The following BTBD9 variants were observed in gnomAD, a reference collection of about 807,000 sequenced individuals.
BTBD9 encodes BTB/POZ domain-containing protein 9.
Under a neutral mutation model 64.3 loss-of-function variants are expected in BTBD9, and 49 were observed. That is an observed-to-expected ratio of 0.76 (90% CI 0.61 to 0.97). The LOEUF is 0.97. Ranked by LOEUF, BTBD9 falls within the 50% of genes least tolerant of loss-of-function variation. The pLI is 0.00. For synonymous variants in BTBD9, 260 were observed against 274.7 expected (o/e 0.95, Z 0.53); for missense variants, 598 against 762.1 (o/e 0.78, Z 2.53).
intron 7 of BTBD9, among the ~76,000 whole-genome samples, chr6:38,300,559 T>A (rs1461802969): frequency 4.0e-5 from 6 of 149,992 alleles, no homozygotes; most frequent in Non-Finnish European, 8.8e-5. Flanking sequence ...TAGTTCTCCT[T>A]GAAGAGGTCC....
intron 6 of BTBD9, among the ~76,000 whole-genome samples, chr6:38,515,224 G>A (rs1038916877): frequency 1.3e-5 from 2 of 152,158 alleles, no homozygotes; most frequent in East Asian, 1.9e-4. Context: ...CCATTAGATC[G>A]ATAGCAATTC....
At chr6:38,516,793 T>C (rs919659834) in intron 6 of BTBD9, among the ~76,000 whole-genome samples, 1 of 152,144 alleles carries the variant, frequency 6.6e-6, no homozygotes, top group Non-Finnish European at 1.5e-5. Context: ...TAAAGAGATA[T>C]TTAATAAAAA....
intron 1 of BTBD9, among the ~76,000 whole-genome samples, chr6:38,632,773 C>A (rs6927145): frequency 0.2 from 30,934 of 151,428 alleles, 3,792 homozygotes; most frequent in Non-Finnish European, 0.29. Flanking sequence ...TACATAGAAA[C>A]AAAAATAAAT....
intron 9 of BTBD9, among the ~76,000 whole-genome samples, chr6:38,237,275 T>G (rs1763809327): frequency 6.6e-6 from 1 of 152,184 alleles, no homozygotes; most frequent in African/African-American, 2.4e-5. Context: ...TTTTCTTTTC[T>G]CCCTAACTCC....
chr6:38,523,253 T>G (rs1773347199), intron 6 of BTBD9, among the ~76,000 whole-genome samples: 1 of 152,056 alleles, frequency 6.6e-6, no homozygotes, highest in South Asian at 2.1e-4. Flanking sequence ...ACACCTCTTC[T>G]TCTCCATTTT....
At chr6:38,482,492 A>C (rs1050828565) in intron 6 of BTBD9, 1 of 151,540 alleles carries the variant, frequency 6.6e-6, no homozygotes, top group Non-Finnish European at 1.5e-5. Flanking sequence ...GAGAGAAATC[A>C]TATTAATTAT....
chr6:38,627,154 C>T lies in BTBD9; in HGVS notation c.-28+12646G>A, dbSNP rs548468195. Among the ~76,000 whole-genome samples the T allele has an allele frequency of 5.9e-5, 9 of 152,264 alleles. No individual in the cohort carries two copies. In the East Asian group the frequency reaches 9.6e-4, roughly 16 times the overall value. ...CTTCACCAACCCACCAATTACACCA[C>T]GGCAAAGATGGCTTCACAGTGGTGC... On this transcript the variant is annotated intron_variant, in intron 1 of 10. Coordinates refer to ENST00000481247, the MANE Select transcript of BTBD9 (RefSeq NM_001099272.2).
Position 38,573,397 on chromosome 6 carries a change from G to A in BTBD9, c.1154+4203C>T, listed in dbSNP as rs74484066. On this transcript the variant is annotated intron_variant, in intron 6 of 10. Coordinates refer to ENST00000481247, the MANE Select transcript of BTBD9 (RefSeq NM_001099272.2). ...AAAAAAGGAAATAAAGAAAGAAACC[G>A]TTTTGTATTAACCAAGTTCATCTCT... Among the ~76,000 whole-genome samples, 1,330 of 152,092 alleles carry A rather than the reference G, an allele frequency of 8.7e-3. 18 individuals are homozygous for A. Among genetic ancestry groups the A allele is most frequent in the African/African-American group, 0.03 (1,252 of 41,486 alleles).
intron 7 of BTBD9, among the ~76,000 whole-genome samples, chr6:38,341,694 T>C (rs1485149776): frequency 6.6e-6 from 1 of 152,236 alleles, no homozygotes; most frequent in Non-Finnish European, 1.5e-5. Context: ...TTCTAATTAC[T>C]TCTTCCATGT....
chr6:38,408,870 A>G (rs1173923431), intron 6 of BTBD9, among the ~76,000 whole-genome samples: 1 of 152,216 alleles, frequency 6.6e-6, no homozygotes, highest in African/African-American at 2.4e-5. Flanking sequence ...CACAGAGCCC[A>G]AAGGAAGTAT....
chr6:38,471,380 C>T (rs1770646128), intron 6 of BTBD9, among the ~76,000 whole-genome samples: 1 of 152,054 alleles, frequency 6.6e-6, no homozygotes, highest in Non-Finnish European at 1.5e-5. Context: ...TTTGCCTCAC[C>T]CAAGGAATCC....
chr6:38,559,456 T>C (rs1163132526), intron 6 of BTBD9, among the ~76,000 whole-genome samples: 1 of 152,184 alleles, frequency 6.6e-6, no homozygotes, highest in Non-Finnish European at 1.5e-5. Flanking sequence ...AAACATTACA[T>C]GCTCACGGAC....
intron 6 of BTBD9, among the ~76,000 whole-genome samples, chr6:38,464,024 C>T (rs183163385): frequency 1.3e-5 from 2 of 151,198 alleles, no homozygotes; most frequent in African/African-American, 2.4e-5. Context: ...AAAGTGAGAC[C>T]GTCTCAAAAA....
In BTBD9 at chr6:38,355,546, T is replaced by C. The variant is rs529832449; in HGVS notation, c.1155-10453A>G. ...CAGTCCTCACACTTGTTTCAGAAAT[T>C]CAGAAAAAGAAAAACTTAACGAGTG... On this transcript the variant is annotated intron_variant, in intron 6 of 10. Coordinates refer to ENST00000481247, the MANE Select transcript of BTBD9 (RefSeq NM_001099272.2). 1.9e-4 allele frequency among the ~76,000 whole-genome samples: 29 copies of C among 152,176 alleles called. No individual in the cohort carries two copies. The South Asian group carries it at 5.0e-3, about 26-fold the overall frequency.
At chr6:38,616,511 G>A (rs748526331) in intron 1 of BTBD9, among the ~76,000 whole-genome samples, 25 of 152,040 alleles carry the variant, frequency 1.6e-4, no homozygotes, top group South Asian at 1.2e-3. Flanking sequence ...CCAGCTACTC[G>A]GAAAGTTGAG....
intron 7 of BTBD9, among the ~76,000 whole-genome samples, chr6:38,313,710 T>C (rs978493137): frequency 5.3e-5 from 8 of 152,038 alleles, no homozygotes; most frequent in African/African-American, 1.9e-4. Context: ...CATTCTTGCA[T>C]CCTTGGGATA....
chr6:38,562,385 G>T (rs929837401), intron 6 of BTBD9, among the ~76,000 whole-genome samples: 15 of 151,974 alleles, frequency 9.9e-5, no homozygotes, highest in African/African-American at 3.6e-4. Flanking sequence ...TTACCTTCAT[G>T]GCGAAGTTTC....
At chr6:38,230,242 C>A (rs1312987627) in intron 9 of BTBD9, among the ~76,000 whole-genome samples, 1 of 152,162 alleles carries the variant, frequency 6.6e-6, no homozygotes, top group East Asian at 1.9e-4. Context: ...TGCCTGTAAT[C>A]CCAGCACTTT....
rs116768022 is a variant in BTBD9, at chr6:38,295,292, G to T, written c.1265-6831C>A. Among the ~76,000 whole-genome samples, 994 of 151,970 alleles carry T rather than the reference G, an allele frequency of 6.5e-3. 10 individuals are homozygous for T. Among genetic ancestry groups the T allele is most frequent in the African/African-American group, 0.02 (810 of 41,450 alleles). On this transcript the variant is annotated intron_variant, in intron 7 of 10. Transcript: ENST00000481247. ...CAATCCTCCTGCCTCAGCCTCTCGA[G>T]TAGCTGGAACCATAGGCAGGTGCCA... is the stretch of plus-strand genomic sequence containing the variant.
Sources: allele counts gnomAD v4.1 joint callset (sites outside exome capture counted in the v4.1 genomes callset), GRCh38; gene constraint gnomAD v4.1.1; transcripts MANE v1.5; gene names NCBI Gene and HGNC (gene_info 2026-07-23, HGNC 2026-07-21).